The following NUMA1 variants were observed in gnomAD, a reference collection of about 807,000 sequenced individuals.
The protein encoded by NUMA1 is SP-H antigen.
In NUMA1, 62 loss-of-function variants were observed where a neutral mutation model predicts 237.1. The observed-to-expected ratio is 0.26, with a 90% CI of 0.21 to 0.32. The LOEUF (loss-of-function observed/expected upper bound fraction) is 0.32. Ranked by LOEUF, NUMA1 falls within the 10% of genes least tolerant of loss-of-function variation. NUMA1 has a pLI of 1.00. For missense variants in NUMA1, 2,533 were observed against 2,666.5 expected (o/e 0.95, Z 1.10); for synonymous variants, 1,028 against 1,066.1 (o/e 0.96, Z 0.70).
intron 16 of NUMA1, chr11:72,012,164 A>G: frequency 4.0e-6 from 2 of 504,544 alleles, no homozygotes; most frequent in East Asian, 6.4e-5. Context: ...CTGATAGGCA[A>G]ATGAGAGAAG....
intron 16 of NUMA1, 67 bp downstream of exon 16, chr11:72,012,334 C>T (rs980360971): frequency 2.1e-5 from 32 of 1,490,826 alleles, no homozygotes; most frequent in Non-Finnish European, 2.9e-5. Flanking sequence ...AAGCTGCAGC[C>T]GGGCTCATGC....
chr11:72,034,524 T>C (rs1399254227), intron 3 of NUMA1, among the ~76,000 whole-genome samples: 2 of 151,896 alleles, frequency 1.3e-5, no homozygotes, highest in Non-Finnish European at 2.9e-5. Context: ...CTGGCCAACA[T>C]GGTGAAACCC....
At position 72,015,412 on chromosome 11, in the gene NUMA1, C is replaced by T. The variant is rs764517007; in HGVS notation, c.2091G>A (p.Lys697=). ...CCTGGAGCTGCTCCTGGAGCTGGTC[C>T]TTCTCCTGGGCCACCCTTTCTTTCT... The part of the protein sequence containing the change: ...ATEKERVAQE[K]DQLQEQLQAL... Residue 697 remains lysine (K), a synonymous_variant, in exon 15 of 27, where the codon AAG becomes AAA. Coordinates refer to ENST00000393695, the MANE Select transcript of NUMA1 (RefSeq NM_006185.4). This position sits in a 1 kb window ranked among gnomAD's most constrained non-coding sequence, Gnocchi z 4.0. 1 of 1,611,908 alleles carries T rather than the reference C, an allele frequency of 6.2e-7. No homozygotes were observed.
At chr11:72,023,191 A>T in intron 5 of NUMA1, 44 bp from the exon 6 acceptor site, 2 of 1,395,238 alleles carry the variant, frequency 1.4e-6, no homozygotes, top group Non-Finnish European at 2.0e-6. Flanking sequence ...CTTCCTGGAA[A>T]CCATACCTGA....
intron 8 of NUMA1, chr11:72,020,328 C>A (rs1450662135): frequency 1.3e-5 from 2 of 152,210 alleles, no homozygotes; most frequent in African/African-American, 4.8e-5. Flanking sequence ...ACCTGAAGGT[C>A]TCATGAGGAA....
chr11:72,012,471 A>AGC, intron 15 of NUMA1, 29 bp from the exon 16 acceptor site: 1 of 1,608,542 alleles, frequency 6.2e-7, no homozygotes, highest in Non-Finnish European at 8.5e-7. Context: ...CAACAGAGAC[A>AGC]GAGTGAGATG....
intron 6 of NUMA1, 76 bp downstream of exon 6, chr11:72,022,989 G>A: frequency 9.9e-7 from 1 of 1,013,978 alleles, no homozygotes; most frequent in Non-Finnish European, 1.5e-6. Flanking sequence ...TGGGTTAAGA[G>A]AAGGCCCTGC....
chr11:72,064,253 T>C (rs1002023024), intron 2 of NUMA1, among the ~76,000 whole-genome samples: 1 of 151,452 alleles, frequency 6.6e-6, no homozygotes, highest in Non-Finnish European at 1.5e-5. Flanking sequence ...AGCCCAGGAG[T>C]TCAAGACCAG....
chr11:72,043,707 G>A (rs1457144504), intron 2 of NUMA1, among the ~76,000 whole-genome samples: 1 of 152,052 alleles, frequency 6.6e-6, no homozygotes, highest in African/African-American at 2.4e-5. Flanking sequence ...CTATACTATA[G>A]AGGTCACAAT....
chr11:72,018,045 G>C (rs1160101648), intron 12 of NUMA1, 138 bp downstream of exon 12: 3 of 914,822 alleles, frequency 3.3e-6, no homozygotes, highest in African/African-American at 1.7e-5. Flanking sequence ...ATAAGGAAAG[G>C]GGCAAAATAT....
Position 72,003,891 on chromosome 11 carries a change from C to T in NUMA1, c.6332G>A (p.Gly2111Asp). Residue 2111 changes from glycine (G) to aspartate (D), a missense_variant, in exon 26 of 27, where the codon GGC becomes GAC. This residue lies in a region of NUMA1 where 795 missense variants were observed against 750.8 expected (regional missense o/e 1.06). Coordinates refer to ENST00000393695, the MANE Select transcript of NUMA1 (RefSeq NM_006185.4). ...AAIGATPRAK[G>D]KAKH ...CCATCCTGCCAGTGCCTCTACCTTGCCCTTGGCTCGAGGGGTGGCACCAAT... is the reference window on the plus strand; with the variant it reads ...CCATCCTGCCAGTGCCTCTACCTTGTCCTTGGCTCGAGGGGTGGCACCAAT... The T allele has an allele frequency of 6.2e-7, 1 of 1,613,652 alleles. No individual in the cohort carries two copies. The highest frequency in any genetic ancestry group is 8.5e-7 in the Non-Finnish European group (1 of 1,179,888).
intron 2 of NUMA1, among the ~76,000 whole-genome samples, chr11:72,056,325 CTTTT>C (rs34278553): frequency 1.4e-5 from 2 of 139,890 alleles, no homozygotes; most frequent in African/African-American, 2.7e-5. Flanking sequence ...TCCCATCTCT[CTTTT>C]TTTTTTTTTG....
chr11:72,015,068 G>A lies in NUMA1; in HGVS notation c.2435C>T (p.Ala812Val), dbSNP rs768401216. ...GCTATCCTCATACCGCTCACGCCAGGCAGCTACTTCTTTGACGAGCTGCTC... is the reference window on the plus strand; with the variant it reads ...GCTATCCTCATACCGCTCACGCCAGACAGCTACTTCTTTGACGAGCTGCTC... ...ECEQLVKEVA[A>V]WRERYEDSQQ... is the part of the protein sequence containing the mutation. The change falls in exon 15 of 27, where the codon GCC (alanine) becomes GTC (valine). Residue 812 changes from alanine (A) to valine (V), a missense_variant. This residue lies in a region of NUMA1 where 1,414 missense variants were observed against 1,508.1 expected (regional missense o/e 0.94). Coordinates refer to ENST00000393695, the MANE Select transcript of NUMA1 (RefSeq NM_006185.4). This position sits in a 1 kb window ranked among gnomAD's most constrained non-coding sequence, Gnocchi z 4.0. 6.2e-7 allele frequency: 1 copy of A among 1,614,044 alleles called. No individual in the cohort carries two copies.
Position 72,015,443 on chromosome 11 carries a change from G to A in NUMA1, c.2060C>T (p.Ala687Val), listed in dbSNP as rs1367256092. The A allele has an allele frequency of 1.2e-6, 2 of 1,611,826 alleles. No homozygotes were observed. Among genetic ancestry groups the A allele is most frequent in the Non-Finnish European group, 1.7e-6 (2 of 1,180,024 alleles). Residue 687 changes from alanine (A) to valine (V), a missense_variant, in exon 15 of 27, where the codon GCA becomes GTA. Ala to Val is a moderately conservative substitution (Grantham distance 64). Coordinates refer to ENST00000393695, the MANE Select transcript of NUMA1 (RefSeq NM_006185.4). The surrounding 1 kb of genome is among the most constrained non-coding windows in gnomAD (Gnocchi z 4.0). Reference protein sequence around the residue: ...ELQLRSEQQKATEKERVAQEK... With the variant: ...ELQLRSEQQKVTEKERVAQEK... ...CTGGGCCACCCTTTCTTTCTCAGTT[G>A]CTTTTTGCTGCTCAGACCGCAGCTG...
chr11:72,003,829 C>G, intron 26 of NUMA1, 58 bp downstream of exon 26: 1 of 1,568,340 alleles, frequency 6.4e-7, no homozygotes, highest in South Asian at 1.1e-5. Flanking sequence ...GTGGGGCGGT[C>G]TGGGGGGTGC....
intron 2 of NUMA1, among the ~76,000 whole-genome samples, chr11:72,045,475 GT>G (rs1165929492): frequency 2.6e-5 from 4 of 152,072 alleles, no homozygotes; most frequent in Admixed American, 1.3e-4. Context: ...AATTGTTTGG[GT>G]TTTTGTTGTT....
In NUMA1 at chr11:72,078,798, C is replaced by T. The variant is rs369889038; in HGVS notation, c.-103+1660G>A. 2.0e-4 allele frequency among the ~76,000 whole-genome samples: 31 copies of T among 152,254 alleles called. No individual in the cohort carries two copies. In the South Asian group the frequency reaches 6.4e-3, roughly 32 times the overall value. Reference sequence around the variant, plus strand: ...AAAGAGGGACTGAGGAAACATAAACCCATCTGTGCTGACAGAAAGCTACCT... The same window carrying T: ...AAAGAGGGACTGAGGAAACATAAACTCATCTGTGCTGACAGAAAGCTACCT... On this transcript the variant is annotated intron_variant, in intron 1 of 26. Coordinates refer to ENST00000393695, the MANE Select transcript of NUMA1 (RefSeq NM_006185.4).
At chr11:72,067,208 G>A (rs750956536) in intron 2 of NUMA1, 2 of 152,162 alleles carry the variant, frequency 1.3e-5, no homozygotes, top group Non-Finnish European at 2.9e-5. Flanking sequence ...TAGCCTGTAG[G>A]ATCTAAGTAT....
intron 4 of NUMA1, chr11:72,024,836 T>G (rs901059055): frequency 1.3e-5 from 2 of 158,648 alleles, no homozygotes; most frequent in African/African-American, 4.8e-5. Flanking sequence ...GTTCCCCCAC[T>G]AGGCTGAAGG....
Sources: gnomAD v4.1 joint callset for allele counts (sites outside exome capture counted in the v4.1 genomes callset) on GRCh38, gnomAD v4.1.1 for gene constraint, gnomAD v4.1.1 regional missense constraint, Gnocchi (gnomAD v3.1) non-coding constraint, MANE v1.5 for transcripts, NCBI Gene and HGNC (gene_info 2026-07-23, HGNC 2026-07-21) for gene names.